KCNK9: variants seen among roughly 807,000 people sequenced by gnomAD.
KCNK9 encodes potassium two pore domain channel subfamily K member 9, also known as potassium channel subfamily K member 9.
In KCNK9, 1 loss-of-function variant was observed where a neutral mutation model predicts 10.8. The ratio of observed to expected loss-of-function variants is 0.09; its 90% CI spans 0.03 to 0.44. The LOEUF is 0.44. Ranked by LOEUF, KCNK9 falls within the 20% of genes least tolerant of loss-of-function variation. The pLI is 0.97. For missense variants in KCNK9, 303 were observed against 515.0 expected, an observed-to-expected ratio of 0.59 and a Z score of 3.98; for synonymous variants, 231 against 222.7, an observed-to-expected ratio of 1.04 and a Z score of -0.33.
chr8:139,654,443 T>G (rs1021550789), intron 1 of KCNK9, among the ~76,000 whole-genome samples: 10 of 152,144 alleles, frequency 6.6e-5, no homozygotes, highest in African/African-American at 2.4e-4. Context: ...GGCCCTGGTG[T>G]TGTCTGACCC....
At chr8:139,668,051 AT>A (rs1300086163) in intron 1 of KCNK9, among the ~76,000 whole-genome samples, 2 of 152,172 alleles carry the variant, frequency 1.3e-5, no homozygotes, top group Admixed American at 6.5e-5. Context: ...AAGCAAGTCT[AT>A]TGGCACCATT....
chr8:139,687,498 A>T lies in KCNK9; in HGVS notation c.283+15212T>A, dbSNP rs1281528433. 8.0e-5 allele frequency among the ~76,000 whole-genome samples: 3 copies of T among 37,678 alleles called. No homozygotes were observed. In the Admixed American group the frequency reaches 9.7e-4, roughly 12 times the overall value. The allele number at this position is 37,678 out of a possible 152,430, so 24.7% of individuals were successfully genotyped here. A position where few individuals can be genotyped will look rare whatever the true frequency, so the allele number is the denominator to read the frequency against. On this transcript the variant is annotated intron_variant, in intron 1 of 1. Transcript: ENST00000520439. ...TATATGTATACATATATACACATAT[A>T]TACATATATATGTATACACATATAT...
Position 139,607,126 on chromosome 8 carries a change from T to A in KCNK9, c.*1-5525A>T, listed in dbSNP as rs141984336. Reference sequence around the variant, plus strand: ...TAATTGTGGGTTCTGCTTCACTGGGTTCCCACTAATTGTGTTTTTCCTTTC... The same window carrying A: ...TAATTGTGGGTTCTGCTTCACTGGGATCCCACTAATTGTGTTTTTCCTTTC... On this transcript the variant is annotated intron_variant, in intron 2 of 2. Coordinates refer to the KCNK9 transcript ENST00000650269. Among the ~76,000 whole-genome samples the A allele has an allele frequency of 3.9e-5, 6 of 152,362 alleles. No homozygotes were observed. In the East Asian group the frequency reaches 1.2e-3, roughly 29 times the overall value.
chr8:139,701,674 T>A (rs1817223685), intron 1 of KCNK9, among the ~76,000 whole-genome samples: 1 of 152,074 alleles, frequency 6.6e-6, no homozygotes, highest in Non-Finnish European at 1.5e-5. Flanking sequence ...GCAGCCTGCC[T>A]CACTGGGGCA....
At chr8:139,637,785 A>ACACAC (rs3032725) in intron 1 of KCNK9, among the ~76,000 whole-genome samples, 2 of 149,560 alleles carry the variant, frequency 1.3e-5, no homozygotes, top group Non-Finnish European at 3.0e-5. Flanking sequence ...ACACACACAC[A>ACACAC]ATAATAGTAA....
At chr8:139,677,221 G>A (rs1177400329) in intron 1 of KCNK9, among the ~76,000 whole-genome samples, 1 of 152,090 alleles carries the variant, frequency 6.6e-6, no homozygotes, top group Non-Finnish European at 1.5e-5. Flanking sequence ...GGCTGCACCT[G>A]TGCCTGTGCT....
At chr8:139,643,510 T>G (rs1484509677) in intron 1 of KCNK9, among the ~76,000 whole-genome samples, 1 of 152,156 alleles carries the variant, frequency 6.6e-6, no homozygotes, top group Non-Finnish European at 1.5e-5. Flanking sequence ...TCCTGAAGAT[T>G]TCCCTCCTGG....
rs57417121 is a variant in KCNK9 at position 139,689,995 on chromosome 8, C to T, written c.283+12715G>A. ...CAATGACTTGAAGCAGAGCTTCCCC[C>T]ATCAGCCTGCAGACCAGTAATGGGT... On this transcript the variant is annotated intron_variant, in intron 1 of 1. Transcript: ENST00000520439. Among the ~76,000 whole-genome samples the T allele has an allele frequency of 4.3e-3, 662 of 152,314 alleles. 6 individuals are homozygous for T. The highest frequency in any genetic ancestry group is 0.015 in the African/African-American group (628 of 41,560).
chr8:139,642,528 C>T (rs1470682196), intron 1 of KCNK9, among the ~76,000 whole-genome samples: 1 of 152,274 alleles, frequency 6.6e-6, no homozygotes, highest in African/African-American at 2.4e-5. Flanking sequence ...TGGAGGCTGC[C>T]CGCAGGAAGT....
intron 1 of KCNK9, among the ~76,000 whole-genome samples, chr8:139,687,029 C>T (rs1816804141): frequency 6.6e-6 from 1 of 151,900 alleles, no homozygotes; most frequent in African/African-American, 2.4e-5. Flanking sequence ...TGTTTAATAA[C>T]AATAAAAGCA....
intron 1 of KCNK9, among the ~76,000 whole-genome samples, chr8:139,644,840 G>A (rs997539237): frequency 1.1e-4 from 16 of 151,882 alleles, no homozygotes; most frequent in Non-Finnish European, 1.6e-4. Flanking sequence ...CACTGCCAGC[G>A]CACCTCTGCC....
At chr8:139,634,666 A>G (rs1815284419) in intron 1 of KCNK9, among the ~76,000 whole-genome samples, 1 of 152,142 alleles carries the variant, frequency 6.6e-6, no homozygotes, top group Admixed American at 6.5e-5. Flanking sequence ...CCAGGTCCCC[A>G]GGGCCAGGCC....
chr8:139,664,025 T>G (rs1048436014), intron 1 of KCNK9, among the ~76,000 whole-genome samples: 1 of 152,142 alleles, frequency 6.6e-6, no homozygotes, highest in Non-Finnish European at 1.5e-5. Context: ...CTTGCGGCTA[T>G]CCTACAGAGG....
chr8:139,682,028 G>A (rs943986540), intron 1 of KCNK9, among the ~76,000 whole-genome samples: 6 of 152,162 alleles, frequency 3.9e-5, no homozygotes, highest in South Asian at 2.1e-4. Flanking sequence ...GAGGAAGAAC[G>A]GCAAGTTCAG....
intron 1 of KCNK9, among the ~76,000 whole-genome samples, chr8:139,628,296 CACAA>C (rs992345889): frequency 1.3e-5 from 2 of 152,214 alleles, no homozygotes; most frequent in Non-Finnish European, 2.9e-5. Context: ...TTCACAGATG[CACAA>C]ACAAAGGCAA....
intron 1 of KCNK9, among the ~76,000 whole-genome samples, chr8:139,680,177 A>T (rs1816656804): frequency 6.6e-6 from 1 of 152,198 alleles, no homozygotes; most frequent in African/African-American, 2.4e-5. Flanking sequence ...GAGCCAGCCA[A>T]GCGCGGGCTT....
At chr8:139,681,852 T>C (rs903689049) in intron 1 of KCNK9, among the ~76,000 whole-genome samples, 2 of 152,178 alleles carry the variant, frequency 1.3e-5, no homozygotes, top group East Asian at 1.9e-4. Context: ...CGGCATCTTA[T>C]GCGGCCTGGA....
At chr8:139,645,377 T>C (rs967996679) in intron 1 of KCNK9, among the ~76,000 whole-genome samples, 12 of 152,168 alleles carry the variant, frequency 7.9e-5, no homozygotes, top group African/African-American at 2.9e-4. Flanking sequence ...TGCCTGCCCA[T>C]GCCCACCTGC....
rs1814688329 is a variant in KCNK9, at chr8:139,618,945, G to C, written c.438C>G (p.Cys146Trp). 1 of 1,614,100 alleles carries C rather than the reference G, an allele frequency of 6.2e-7. No individual in the cohort carries two copies. The highest frequency in any genetic ancestry group is 8.5e-7 in the Non-Finnish European group (1 of 1,180,040). ...ACACGTCAGTGTTGCGCATGCCACA[G>C]CACTTCTTAATGCGCTTCAGCAGGT... ...VRYLLKRIKKCCGMRNTDVSM... is the reference protein window; with the variant it reads ...VRYLLKRIKKWCGMRNTDVSM... Residue 146 changes from cysteine (C) to tryptophan (W), a missense_variant, in exon 2 of 2, where the codon TGC becomes TGG. Physicochemically the swap from Cys to Trp is radical, Grantham distance 215. This residue lies in a region of KCNK9 where 32 missense variants were observed against 30.2 expected (regional missense o/e 1.06). Transcript: ENST00000520439. The surrounding 1 kb of genome is among the most constrained non-coding windows in gnomAD (Gnocchi z 7.9).
Sources: allele counts gnomAD v4.1 joint callset (sites outside exome capture counted in the v4.1 genomes callset), GRCh38; gene constraint gnomAD v4.1.1; regional missense constraint gnomAD v4.1.1; non-coding constraint Gnocchi (gnomAD v3.1); transcripts MANE v1.5; gene names NCBI Gene and HGNC (gene_info 2026-07-23, HGNC 2026-07-21).